The following ANO2 variants were observed in gnomAD, a reference collection of about 807,000 sequenced individuals.
ANO2 encodes anoctamin 2, also known as anoctamin-2.
In ANO2, 101 loss-of-function variants were observed where a neutral mutation model predicts 124.2. The observed-to-expected ratio is 0.81, with a 90% CI of 0.69 to 0.96. The LOEUF (loss-of-function observed/expected upper bound fraction) is 0.96. ANO2 is among the 40% of genes least tolerant of loss of function. ANO2 has a pLI of 0.00. For synonymous variants in ANO2, 486 were observed against 482.5 expected, an observed-to-expected ratio of 1.01 and a Z score of -0.09; for missense variants, 1,293 against 1,274.5, an observed-to-expected ratio of 1.01 and a Z score of -0.22.
chr12:5,873,422 T>C (rs1023797606), intron 3 of ANO2, among the ~76,000 whole-genome samples: 1 of 152,106 alleles, frequency 6.6e-6, no homozygotes, highest in East Asian at 1.9e-4. Context: ...GCAAATAGCA[T>C]CCAACTCACT....
At chr12:5,813,041 CAAAG>C (rs1379260472) in intron 7 of ANO2, among the ~76,000 whole-genome samples, 10 of 82,502 alleles carry the variant, frequency 1.2e-4, no homozygotes, top group Admixed American at 7.1e-4. Context: ...AGAGAAGAAA[CAAAG>C]AAAGAAAGAG....
chr12:5,622,640 G>A (rs1945169991), intron 16 of ANO2, among the ~76,000 whole-genome samples: 1 of 152,126 alleles, frequency 6.6e-6, no homozygotes, highest in African/African-American at 2.4e-5. Context: ...CAACACAGAG[G>A]GCCTCACCTG....
At chr12:5,937,163 A>T (rs969993557) in intron 1 of ANO2, among the ~76,000 whole-genome samples, 1 of 152,154 alleles carries the variant, frequency 6.6e-6, no homozygotes, top group African/African-American at 2.4e-5. Flanking sequence ...ACTGCATGAA[A>T]CTGCATTCCA....
intron 1 of ANO2, 84 bp from the exon 2 acceptor site, chr12:5,922,888 C>T (rs1056901835): frequency 8.2e-6 from 11 of 1,335,038 alleles, no homozygotes; most frequent in South Asian, 1.8e-5. Flanking sequence ...TACTCAGACA[C>T]TAGCCCTGAG....
chr12:5,752,108 T>A (rs1339696018), intron 10 of ANO2, among the ~76,000 whole-genome samples: 1 of 152,246 alleles, frequency 6.6e-6, no homozygotes, highest in East Asian at 1.9e-4. Flanking sequence ...ATTTTCTTTA[T>A]CCATGCATCT....
Position 5,799,569 on chromosome 12 carries a change from C to T in ANO2, c.993G>A (p.Leu331=). The change falls in exon 10 of 25, where the codon CTG becomes CTA. Residue 331 remains leucine (L), a splice_region_variant and synonymous_variant. Coordinates refer to ENST00000682330, the MANE Select transcript of ANO2 (RefSeq NM_001364791.2). ...SPEDDMNDRK[L]LYQEWARYGV... ...CATAGCGCGCCCATTCTTGATATAGCAGCTAAACAAAGAAAATAAGGAAAC... is the reference window on the plus strand; with the variant it reads ...CATAGCGCGCCCATTCTTGATATAGTAGCTAAACAAAGAAAATAAGGAAAC... 6.2e-7 allele frequency: 1 copy of T among 1,613,790 alleles called. No homozygotes were observed. The highest frequency in any genetic ancestry group is 1.3e-5 in the African/African-American group (1 of 75,040).
chr12:5,936,939 G>C (rs915857664), intron 1 of ANO2, among the ~76,000 whole-genome samples: 4 of 152,038 alleles, frequency 2.6e-5, no homozygotes, highest in African/African-American at 7.2e-5. Context: ...CATCATCAAA[G>C]CTCCAAAATT....
intron 14 of ANO2, among the ~76,000 whole-genome samples, chr12:5,688,212 C>A (rs1178621825): frequency 6.6e-6 from 1 of 152,164 alleles, no homozygotes; most frequent in Non-Finnish European, 1.5e-5. Context: ...TGGGGCTGAG[C>A]TCACCCATTC....
At chr12:5,699,861 A>T (rs949256563) in intron 14 of ANO2, among the ~76,000 whole-genome samples, 3 of 152,236 alleles carry the variant, frequency 2.0e-5, no homozygotes, top group African/African-American at 7.2e-5. Context: ...ACCTAATGGT[A>T]AAGGGATCAA....
intron 3 of ANO2, among the ~76,000 whole-genome samples, chr12:5,877,299 G>A (rs1388932317): frequency 1.3e-5 from 2 of 152,192 alleles, no homozygotes; most frequent in Non-Finnish European, 2.9e-5. Context: ...AGTAGCCATA[G>A]GAAGCGAGGA....
At position 5,583,622 on chromosome 12, in the gene ANO2, C is replaced by T. The variant is rs556457656; in HGVS notation, c.2234-5104G>A. 2.1e-3 allele frequency among the ~76,000 whole-genome samples: 257 copies of T among 120,882 alleles called. 2 individuals carry two copies. The highest frequency in any genetic ancestry group is 0.012 in the Middle Eastern group (2 of 170). 79.3% of individuals were successfully genotyped at this position (120,882 alleles called of 152,430 possible). A position where few individuals can be genotyped will look rare whatever the true frequency, so the allele number is the denominator to read the frequency against. ...GAGCCAAGATTGTGCCACTGCAATC[C>T]GGCCTGGGCTAAAGAGCGGGACTCC... On this transcript the variant is annotated intron_variant, in intron 20 of 24. Coordinates refer to ENST00000682330, the MANE Select transcript of ANO2 (RefSeq NM_001364791.2).
Position 5,584,365 on chromosome 12 carries a change from C to T in ANO2, c.2234-5847G>A, listed in dbSNP as rs111338185. On this transcript the variant is annotated intron_variant, in intron 20 of 24. Transcript: ENST00000682330. Reference sequence around the variant, plus strand: ...TTGTGAGAAACTCACACCCAGCTTCCTTCTGACATTCAGTTCACTTTGTGG... The same window carrying T: ...TTGTGAGAAACTCACACCCAGCTTCTTTCTGACATTCAGTTCACTTTGTGG... Among the ~76,000 whole-genome samples, 342 of 152,300 alleles carry T rather than the reference C, an allele frequency of 2.2e-3. 3 individuals carry two copies. Among genetic ancestry groups the T allele is most frequent in the African/African-American group, 7.9e-3 (330 of 41,554 alleles).
At chr12:5,942,415 T>C (rs969066155) in intron 1 of ANO2, among the ~76,000 whole-genome samples, 1 of 152,270 alleles carries the variant, frequency 6.6e-6, no homozygotes, top group Non-Finnish European at 1.5e-5. Flanking sequence ...TGTTGGGCAA[T>C]GTCTTACATC....
Position 5,627,702 on chromosome 12 carries a change from C to G in ANO2, c.1816+7450G>C, listed in dbSNP as rs144887809. On this transcript the variant is annotated intron_variant, in intron 16 of 24. Transcript: ENST00000682330. ...GTACCTGTGACACTGATTTTTCCCCCATCCTTTTCCTTTCCTCCTGCTCTT... is the reference window on the plus strand; with the variant it reads ...GTACCTGTGACACTGATTTTTCCCCGATCCTTTTCCTTTCCTCCTGCTCTT... Among the ~76,000 whole-genome samples the G allele has an allele frequency of 4.0e-4, 61 of 152,300 alleles. 1 individual carries two copies. Among genetic ancestry groups the G allele is most frequent in the South Asian group, 1.4e-3 (7 of 4,832 alleles).
chr12:5,935,526 C>A (rs959130240), intron 1 of ANO2, among the ~76,000 whole-genome samples: 4 of 152,140 alleles, frequency 2.6e-5, no homozygotes, highest in African/African-American at 9.7e-5. Context: ...AAATGCAGAT[C>A]GCTCTTATTC....
intron 13 of ANO2, 50 bp from the exon 14 acceptor site, chr12:5,732,680 T>G: frequency 1.3e-6 from 2 of 1,574,994 alleles, no homozygotes; most frequent in Middle Eastern, 3.4e-4. Context: ...AGAATGACCT[T>G]GGCCTTAGGG....
chr12:5,806,515 T>G (rs919563811), intron 8 of ANO2, among the ~76,000 whole-genome samples: 6 of 152,270 alleles, frequency 3.9e-5, no homozygotes, highest in African/African-American at 1.4e-4. Context: ...GAAAAATTCC[T>G]GCTGGCAGTC....
chr12:5,879,795 G>A (rs997133906), intron 3 of ANO2, among the ~76,000 whole-genome samples: 4 of 152,276 alleles, frequency 2.6e-5, no homozygotes, highest in Middle Eastern at 3.4e-3. Flanking sequence ...AAAGCAAAGA[G>A]GTAGCCAAGA....
rs1411206493 is a variant in ANO2, at chr12:5,914,215, A to AG, written c.534+6824_534+6825insC. 2.1e-3 allele frequency among the ~76,000 whole-genome samples: 321 copies of AG among 151,858 alleles called. 2 individuals are homozygous for AG. The highest frequency in any genetic ancestry group is 7.0e-3 in the African/African-American group (289 of 41,388). On this transcript the variant is annotated intron_variant, in intron 3 of 24. Coordinates refer to ENST00000682330, the MANE Select transcript of ANO2 (RefSeq NM_001364791.2). ...ACTCCATCTCAAAAAAGAAAAAAAGAAAAAAGAAAGTGAGGCGACATTCTG... is the reference window on the plus strand; with the variant it reads ...ACTCCATCTCAAAAAAGAAAAAAAGAGAAAAAGAAAGTGAGGCGACATTCTG...
Sources: gnomAD v4.1 joint callset for allele counts (sites outside exome capture counted in the v4.1 genomes callset) on GRCh38, gnomAD v4.1.1 for gene constraint, MANE v1.5 for transcripts, NCBI Gene and HGNC (gene_info 2026-07-23, HGNC 2026-07-21) for gene names.